The following WDFY1 variants were observed in gnomAD, a reference collection of about 807,000 sequenced individuals.
The protein encoded by WDFY1 is WD repeat and FYVE domain containing 1.
Under a neutral mutation model 56.4 loss-of-function variants are expected in WDFY1, and 32 were observed. The ratio of observed to expected loss-of-function variants is 0.57; its 90% CI spans 0.43 to 0.76. WDFY1 has a LOEUF of 0.76. Ranked by LOEUF, WDFY1 falls within the 30% of genes least tolerant of loss-of-function variation. The pLI, the probability that WDFY1 is intolerant of heterozygous loss-of-function variation, is 0.00. For synonymous variants in WDFY1, 192 were observed against 197.3 expected (o/e 0.97, Z 0.23); for missense variants, 480 against 545.7 (o/e 0.88, Z 1.20).
chr2:223,917,479 T>G (rs971229738), intron 2 of WDFY1, among the ~76,000 whole-genome samples: 4 of 152,160 alleles, frequency 2.6e-5, no homozygotes, highest in Non-Finnish European at 5.9e-5. Context: ...AGAAAAGGAC[T>G]TTTCCTGCAG....
At chr2:223,935,785 G>C (rs938869110) in intron 1 of WDFY1, among the ~76,000 whole-genome samples, 3 of 152,188 alleles carry the variant, frequency 2.0e-5, no homozygotes, top group Non-Finnish European at 4.4e-5. Context: ...AGGAAGCTCA[G>C]AAAGGACAGA....
intron 11 of WDFY1, among the ~76,000 whole-genome samples, chr2:223,879,522 G>C (rs1693029589): frequency 6.6e-6 from 1 of 151,928 alleles, no homozygotes; most frequent in Non-Finnish European, 1.5e-5. Flanking sequence ...AGCCAAGCCT[G>C]GTGGCAGGCA....
chr2:223,893,090 T>C (rs1693305782), intron 8 of WDFY1, among the ~76,000 whole-genome samples: 1 of 152,158 alleles, frequency 6.6e-6, no homozygotes, highest in Non-Finnish European at 1.5e-5. Context: ...TTTGACGACA[T>C]CTATAAAAAG....
chr2:223,935,215 C>T (rs554388849), intron 1 of WDFY1, among the ~76,000 whole-genome samples: 1 of 152,186 alleles, frequency 6.6e-6, no homozygotes, highest in South Asian at 2.1e-4. Context: ...TCTACTGACG[C>T]TAAGTGTCTA....
chr2:223,930,384 C>T (rs969931286), intron 1 of WDFY1, among the ~76,000 whole-genome samples: 13 of 152,206 alleles, frequency 8.5e-5, no homozygotes, highest in African/African-American at 3.1e-4. Context: ...GGCTGGAGTG[C>T]AATGGCTTGA....
At chr2:223,935,538 A>T (rs1217221143) in intron 1 of WDFY1, among the ~76,000 whole-genome samples, 1 of 152,236 alleles carries the variant, frequency 6.6e-6, no homozygotes, top group Non-Finnish European at 1.5e-5. Context: ...ATCATTCATT[A>T]TATTACCATC....
intron 1 of WDFY1, among the ~76,000 whole-genome samples, chr2:223,942,805 G>A (rs1184124240): frequency 6.8e-6 from 1 of 146,550 alleles, no homozygotes; most frequent in Non-Finnish European, 1.5e-5. Context: ...AAAGTGCTGG[G>A]ATTACAGGCG....
intron 1 of WDFY1, among the ~76,000 whole-genome samples, chr2:223,933,789 C>G (rs533357071): frequency 0.022 from 2,253 of 102,052 alleles, 53 homozygotes; most frequent in African/African-American, 0.068. Flanking sequence ...AGACCCCCCC[C>G]CATCTCTACA....
At chr2:223,934,361 G>T (rs1311425237) in intron 1 of WDFY1, among the ~76,000 whole-genome samples, 1 of 152,020 alleles carries the variant, frequency 6.6e-6, no homozygotes, top group South Asian at 2.1e-4. Context: ...AAAGTGCTGG[G>T]ATTACAGGCG....
At position 223,884,654 on chromosome 2, in the gene WDFY1, T is replaced by C. The variant is rs1164412842; in HGVS notation, c.927A>G (p.Leu309=). 6.2e-7 allele frequency: 1 copy of C among 1,614,086 alleles called. No homozygotes were observed. Among genetic ancestry groups the C allele is most frequent in the Non-Finnish European group, 8.5e-7 (1 of 1,179,950 alleles). ...CTCGACAGTGGCTACTCACTTGTCT[T>C]AGCCCCAGCGTCTTGGTGTCCCACA... is the stretch of plus-strand genomic sequence containing the variant. ...KQMWDTKTLG[L]RQHHCRKCGQ... is the part of the protein sequence containing the mutation. Residue 309 remains leucine (L), a synonymous_variant, in exon 9 of 12, where the codon CTA becomes CTG. Transcript: ENST00000233055.
At chr2:223,926,175 C>A (rs1320405254) in intron 1 of WDFY1, among the ~76,000 whole-genome samples, 2 of 152,164 alleles carry the variant, frequency 1.3e-5, no homozygotes, top group African/African-American at 4.8e-5. Context: ...GAGACAGGGT[C>A]TCCCTCGGTT....
intron 6 of WDFY1, among the ~76,000 whole-genome samples, chr2:223,896,183 A>AAAAAAAAAAAAAAAAAAAAAAAAT (rs1693372954): frequency 7.3e-6 from 1 of 137,320 alleles, no homozygotes; most frequent in Middle Eastern, 3.4e-3. Context: ...AAAAAAAAAA[A>AAAAAAAAAAAAAAAAAAAAAAAAT]CTGCTTGTAA....
At chr2:223,925,007 A>G (rs1249693717) in intron 1 of WDFY1, among the ~76,000 whole-genome samples, 1 of 152,242 alleles carries the variant, frequency 6.6e-6, no homozygotes, top group Non-Finnish European at 1.5e-5. Flanking sequence ...TTGGTTCTAT[A>G]GAAATCATTT....
chr2:223,900,495 AG>A (rs1693488138), intron 5 of WDFY1, among the ~76,000 whole-genome samples: 1 of 152,136 alleles, frequency 6.6e-6, no homozygotes, highest in South Asian at 2.1e-4. Flanking sequence ...CACAGCAGGC[AG>A]AGGTATCCTT....
intron 1 of WDFY1, among the ~76,000 whole-genome samples, chr2:223,932,735 G>A (rs2106101521): frequency 6.6e-6 from 1 of 152,030 alleles, no homozygotes; most frequent in Non-Finnish European, 1.5e-5. Flanking sequence ...CAGTAATTCT[G>A]AGAAAATCTG....
At chr2:223,917,151 T>G (rs1299715217) in intron 2 of WDFY1, among the ~76,000 whole-genome samples, 1 of 152,206 alleles carries the variant, frequency 6.6e-6, no homozygotes, top group Admixed American at 6.5e-5. Context: ...AGAAGATTCA[T>G]CGTCCAGATT....
chr2:223,913,101 T>G (rs1174680734), intron 2 of WDFY1, among the ~76,000 whole-genome samples: 5 of 146,110 alleles, frequency 3.4e-5, no homozygotes, highest in Non-Finnish European at 7.5e-5. Context: ...AAAAGACGGG[T>G]GGGTAGGGTG....
intron 1 of WDFY1, among the ~76,000 whole-genome samples, chr2:223,933,037 C>A (rs991014306): frequency 2.6e-5 from 4 of 151,984 alleles, no homozygotes; most frequent in African/African-American, 9.7e-5. Flanking sequence ...ATTCTTGCTG[C>A]AAAAAGAAGT....
chr2:223,911,198 C>T (rs1559169814), intron 3 of WDFY1, among the ~76,000 whole-genome samples: 2 of 152,008 alleles, frequency 1.3e-5, no homozygotes, highest in African/African-American at 4.8e-5. Context: ...ATAGGCAAAT[C>T]CTTGGATTCA....
Sources: gnomAD v4.1 joint callset for allele counts (sites outside exome capture counted in the v4.1 genomes callset) on GRCh38, gnomAD v4.1.1 for gene constraint, MANE v1.5 for transcripts, NCBI Gene and HGNC (gene_info 2026-07-23, HGNC 2026-07-21) for gene names.